The following LMO3 variants were observed in gnomAD, a reference collection of about 807,000 sequenced individuals.
LMO3 encodes LIM domain only 3.
A neutral mutation model predicts 15.8 loss-of-function variants in LMO3; 2 were observed. That is an observed-to-expected ratio of 0.13 (90% CI 0.05 to 0.40). LMO3 has a LOEUF of 0.40. LMO3 is among the 10% of genes least tolerant of loss of function. LMO3 has a pLI of 0.99. For missense variants in LMO3, 86 were observed against 182.2 expected (o/e 0.47, Z 3.04); for synonymous variants, 62 against 63.8 (o/e 0.97, Z 0.13).
intron 2 of LMO3, among the ~76,000 whole-genome samples, chr12:16,572,339 C>CTTTTTTTTTTTTTTTTTTTTTTTTT (rs59773866): frequency 3.4e-5 from 3 of 89,530 alleles, no homozygotes; most frequent in African/African-American, 4.2e-5. Flanking sequence ...GGTCCAAACT[C>CTTTTTTTTTTTTTTTTTTTTTTTTT]TTTTTTTTTT....
intron 2 of LMO3, among the ~76,000 whole-genome samples, chr12:16,566,685 G>A (rs1942622871): frequency 6.6e-6 from 1 of 151,914 alleles, no homozygotes; most frequent in African/African-American, 2.4e-5. Context: ...TTCAGCCTTT[G>A]TAAATAATAT....
chr12:16,593,896 A>G lies in LMO3; in HGVS notation c.206+6759T>C, dbSNP rs1482314907. ...TACATGGTTAATCATCAAAACAAGTATATTATCATAGTAAAAACAGAACTA... is the reference window on the plus strand; with the variant it reads ...TACATGGTTAATCATCAAAACAAGTGTATTATCATAGTAAAAACAGAACTA... On this transcript the variant is annotated intron_variant, in intron 2 of 3. Transcript: ENST00000537304. The surrounding 1 kb of genome is among the most constrained non-coding windows in gnomAD (Gnocchi z 4.2). 1.3e-5 allele frequency among the ~76,000 whole-genome samples: 2 copies of G among 151,936 alleles called. No homozygotes were observed. Among genetic ancestry groups the G allele is most frequent in the East Asian group, 1.9e-4 (1 of 5,178 alleles).
At position 16,559,225 on chromosome 12, in the gene LMO3, A is replaced by G. The variant is rs1392929934; in HGVS notation, c.332+1188T>C. Reference sequence around the variant, plus strand: ...TCTATCAAGTGTTCTAATTTTTGAAATGTTGTATTTTTAATACGTACATTT... The same window carrying G: ...TCTATCAAGTGTTCTAATTTTTGAAGTGTTGTATTTTTAATACGTACATTT... On this transcript the variant is annotated intron_variant, in intron 3 of 3. Transcript: ENST00000537304. The surrounding 1 kb of genome is among the most constrained non-coding windows in gnomAD (Gnocchi z 4.1). 6.6e-6 allele frequency among the ~76,000 whole-genome samples: 1 copy of G among 152,214 alleles called. No homozygotes were observed. Among genetic ancestry groups the G allele is most frequent in the Non-Finnish European group, 1.5e-5 (1 of 68,022 alleles).
chr12:16,602,843 A>G (rs1943866720), intron 1 of LMO3, among the ~76,000 whole-genome samples: 1 of 152,208 alleles, frequency 6.6e-6, no homozygotes, highest in Non-Finnish European at 1.5e-5. Context: ...TGATTTACTC[A>G]GTGAAATTCT....
rs938751163 is a variant in LMO3 at position 16,589,119 on chromosome 12, TA to T, written c.206+11535del. Among the ~76,000 whole-genome samples the T allele has an allele frequency of 6.6e-6, 1 of 152,114 alleles. No individual in the cohort carries two copies. The highest frequency in any genetic ancestry group is 2.4e-5 in the African/African-American group (1 of 41,436). On this transcript the variant is annotated intron_variant, in intron 2 of 3. Transcript: ENST00000537304. The surrounding 1 kb of genome is among the most constrained non-coding windows in gnomAD (Gnocchi z 4.2). Reference sequence around the variant, plus strand: ...ACCGTGATGCAACCTGACATGCCTCTAAGATCTACGAATTAGATGTAACCTC... The same window carrying T: ...ACCGTGATGCAACCTGACATGCCTCTAGATCTACGAATTAGATGTAACCTC...
Position 16,560,587 on chromosome 12 carries a change from C to A in LMO3, c.207-49G>T, listed in dbSNP as rs1051837387. 4 of 1,544,004 alleles carry A rather than the reference C, an allele frequency of 2.6e-6. No individual in the cohort carries two copies. Among genetic ancestry groups the A allele is most frequent in the Non-Finnish European group, 3.6e-6 (4 of 1,126,298 alleles). On this transcript the variant is annotated intron_variant, in intron 2 of 3. Transcript: ENST00000537304. The surrounding 1 kb of genome is among the most constrained non-coding windows in gnomAD (Gnocchi z 5.0). Reference sequence around the variant, plus strand: ...TTTTTACAAACTCTTACAGAGAAATCTGAGATCGTGAAGAGAGATGATGTT... The same window carrying A: ...TTTTTACAAACTCTTACAGAGAAATATGAGATCGTGAAGAGAGATGATGTT...
At position 16,606,062 on chromosome 12, in the gene LMO3, T is replaced by C. The variant is rs568049804; in HGVS notation, c.-9+4A>G. ...ACGCGTGTGTACACAGTTGCTGCAC[T>C]TACCTTCTCAATTAAGCGATACAGG... On this transcript the variant is annotated splice_donor_region_variant and intron_variant, in intron 1 of 3. Transcript: ENST00000537304. 2 of 533,118 alleles carry C rather than the reference T, an allele frequency of 3.8e-6. No individual in the cohort carries two copies. The highest frequency in any genetic ancestry group is 6.4e-5 in the East Asian group (2 of 31,472). 33.0% of individuals were successfully genotyped at this position (533,118 alleles called of 1,614,324 possible). A position where few individuals can be genotyped will look rare whatever the true frequency, so the allele number is the denominator to read the frequency against.
chr12:16,551,803 C>A (rs1789818945), intron 3 of LMO3, among the ~76,000 whole-genome samples: 1 of 151,730 alleles, frequency 6.6e-6, no homozygotes, highest in African/African-American at 2.4e-5. Context: ...TTAAAGCTTC[C>A]CATTTAAAGC....
rs1177637080 is a variant in LMO3, at chr12:16,586,195, A to T, written c.206+14460T>A. On this transcript the variant is annotated intron_variant, in intron 2 of 3. Coordinates refer to ENST00000537304, the MANE Select transcript of LMO3 (RefSeq NM_018640.5). The surrounding 1 kb of genome is among the most constrained non-coding windows in gnomAD (Gnocchi z 4.3). ...CATCCAGTTTTTCAGGTAATCTGCCATAAATACTATTTCCTTCAGATGACT... is the reference window on the plus strand; with the variant it reads ...CATCCAGTTTTTCAGGTAATCTGCCTTAAATACTATTTCCTTCAGATGACT... Among the ~76,000 whole-genome samples the T allele has an allele frequency of 3.3e-5, 5 of 152,260 alleles. No individual in the cohort carries two copies. Among genetic ancestry groups the T allele is most frequent in the African/African-American group, 1.2e-4 (5 of 41,474 alleles).
intron 1 of LMO3, among the ~76,000 whole-genome samples, chr12:16,601,215 A>G (rs113671412): frequency 1.0e-3 from 156 of 152,342 alleles, no homozygotes; most frequent in Non-Finnish European, 1.6e-3. Context: ...GTGAGTAAAT[A>G]ACAATCTGAA....
At position 16,603,794 on chromosome 12, in the gene LMO3, G is replaced by A. The variant is rs960590868; in HGVS notation, c.-9+2272C>T. ...CATCCGCACAGTCTCAGCTTCAGTA[G>A]TTAACACAACAAAGTAACCACAACT... On this transcript the variant is annotated intron_variant, in intron 1 of 3. Transcript: ENST00000537304. This position sits in a 1 kb window ranked among gnomAD's most constrained non-coding sequence, Gnocchi z 4.9. Among the ~76,000 whole-genome samples the A allele has an allele frequency of 4.6e-5, 7 of 152,176 alleles. No homozygotes were observed. The highest frequency in any genetic ancestry group is 1.7e-4 in the African/African-American group (7 of 41,508).
In LMO3 at chr12:16,586,776, T is replaced by C. The variant is rs556451748; in HGVS notation, c.206+13879A>G. Among the ~76,000 whole-genome samples the C allele has an allele frequency of 2.2e-4, 33 of 152,316 alleles. No homozygotes were observed. Among genetic ancestry groups the C allele is most frequent in the Admixed American group, 6.5e-4 (10 of 15,286 alleles). The stretch of plus-strand genomic sequence containing the variant: ...AAGCTCCTGTGGCTCAGATTATTTA[T>C]TGCATTACTTTTGTAACCTTTCTCC... On this transcript the variant is annotated intron_variant, in intron 2 of 3. Coordinates refer to ENST00000537304, the MANE Select transcript of LMO3 (RefSeq NM_018640.5). This position sits in a 1 kb window ranked among gnomAD's most constrained non-coding sequence, Gnocchi z 4.3.
chr12:16,565,984 A>G (rs1303383928), intron 2 of LMO3, among the ~76,000 whole-genome samples: 2 of 1,732 alleles, frequency 1.2e-3, no homozygotes, highest in Non-Finnish European at 2.8e-3. Context: ...AAAATGTGCC[A>G]TATATATATA....
chr12:16,596,450 T>C lies in LMO3; in HGVS notation c.206+4205A>G, dbSNP rs1291053482. 2.0e-5 allele frequency among the ~76,000 whole-genome samples: 3 copies of C among 151,590 alleles called. No homozygotes were observed. Among genetic ancestry groups the C allele is most frequent in the Non-Finnish European group, 3.0e-5 (2 of 67,640 alleles). On this transcript the variant is annotated intron_variant, in intron 2 of 3. Transcript: ENST00000537304. This position sits in a 1 kb window ranked among gnomAD's most constrained non-coding sequence, Gnocchi z 4.3. ...GCTTTGAATAAACTCTGGCAAGATA[T>C]CATTCATAGAGATACAAGATACATA...
At position 16,604,050 on chromosome 12, in the gene LMO3, A is replaced by T. The variant is rs1943912353; in HGVS notation, c.-9+2016T>A. Among the ~76,000 whole-genome samples the T allele has an allele frequency of 6.6e-6, 1 of 152,236 alleles. No homozygotes were observed. Among genetic ancestry groups the T allele is most frequent in the Admixed American group, 6.5e-5 (1 of 15,288 alleles). On this transcript the variant is annotated intron_variant, in intron 1 of 3. Transcript: ENST00000537304. This position sits in a 1 kb window ranked among gnomAD's most constrained non-coding sequence, Gnocchi z 5.3. The stretch of plus-strand genomic sequence containing the variant: ...GCTAAAATGGGAATGCAGGTTCTGC[A>T]GCTGGGAGCATTGACACAGATTAAA...
In LMO3 at chr12:16,550,262, G is replaced by A. The variant is rs544883571; in HGVS notation, c.*960C>T. On this transcript the variant is annotated 3_prime_UTR_variant, in exon 4 of 4. Coordinates refer to ENST00000537304, the MANE Select transcript of LMO3 (RefSeq NM_018640.5). ...TTATGAAACCCTCAGCTCTTGTGGA[G>A]AGATCTGGGCAGAATTTATACAAGA... 2 of 152,490 alleles carry A rather than the reference G, an allele frequency of 1.3e-5. No individual in the cohort carries two copies. Among genetic ancestry groups the A allele is most frequent in the Admixed American group, 1.3e-4 (2 of 15,274 alleles). 9.4% of individuals were successfully genotyped at this position (152,490 alleles called of 1,614,324 possible). A position where few individuals can be genotyped will look rare whatever the true frequency, so the allele number is the denominator to read the frequency against.
intron 3 of LMO3, among the ~76,000 whole-genome samples, chr12:16,557,135 A>T (rs1207621089): frequency 6.6e-6 from 1 of 152,088 alleles, no homozygotes; most frequent in Non-Finnish European, 1.5e-5. Flanking sequence ...AACAACCTAC[A>T]ATTACTTTGC....
intron 1 of LMO3, among the ~76,000 whole-genome samples, chr12:16,601,604 C>A (rs533687842): frequency 6.6e-5 from 10 of 151,780 alleles, no homozygotes; most frequent in Admixed American, 2.0e-4. Flanking sequence ...TATGATTATA[C>A]CATTTATTAC....
chr12:16,606,071 CAATT>C lies in LMO3; in HGVS notation c.-18_-15del, dbSNP rs1449978789. 4.1e-6 allele frequency: 2 copies of C among 491,548 alleles called. No homozygotes were observed. Among genetic ancestry groups the C allele is most frequent in the East Asian group, 3.6e-5 (1 of 28,146 alleles). 30.4% of individuals were successfully genotyped at this position (491,548 alleles called of 1,614,324 possible). A position where few individuals can be genotyped will look rare whatever the true frequency, so the allele number is the denominator to read the frequency against. ...TACACAGTTGCTGCACTTACCTTCT[CAATT>C]AAGCGATACAGGGGGAGGCCGTTCA... On this transcript the variant is annotated 5_prime_UTR_variant, in exon 1 of 4. Coordinates refer to ENST00000537304, the MANE Select transcript of LMO3 (RefSeq NM_018640.5).
Sources: allele counts gnomAD v4.1 joint callset (sites outside exome capture counted in the v4.1 genomes callset), GRCh38; gene constraint gnomAD v4.1.1; non-coding constraint Gnocchi (gnomAD v3.1); transcripts MANE v1.5; gene names NCBI Gene and HGNC (gene_info 2026-07-23, HGNC 2026-07-21).